Variants in IPO9 observed in about 807,000 individuals in gnomAD.
IPO9 encodes importin 9, also known as importin-9.
Under a neutral mutation model 128.6 loss-of-function variants are expected in IPO9, and 28 were observed. The ratio of observed to expected loss-of-function variants is 0.22; its 90% CI spans 0.16 to 0.30. The LOEUF is 0.30. IPO9 is among the 10% of genes least tolerant of loss of function. The pLI, the probability that IPO9 is intolerant of heterozygous loss-of-function variation, is 1.00. For missense variants in IPO9, 935 were observed against 1,293.9 expected, an observed-to-expected ratio of 0.72 and a Z score of 4.26; for synonymous variants, 455 against 475.8, an observed-to-expected ratio of 0.96 and a Z score of 0.57.
rs1373841229 is a variant in IPO9, at chr1:201,880,954, G to A, written c.*4900G>A. On this transcript the variant is annotated 3_prime_UTR_variant, in exon 24 of 24. Transcript: ENST00000361565. ...TGTAAGTGATCTGAGTAGGTTTAAG[G>A]TAGCCTAGGTGTATTAAATGCATTT... 1.3e-5 allele frequency: 2 copies of A among 152,210 alleles called. No individual in the cohort carries two copies. Among genetic ancestry groups the A allele is most frequent in the Non-Finnish European group, 1.5e-5 (1 of 68,038 alleles). 9.4% of individuals were successfully genotyped at this position (152,210 alleles called of 1,614,324 possible).
intron 16 of IPO9, among the ~76,000 whole-genome samples, 189 bp downstream of exon 16, chr1:201,868,985 G>A (rs1680603662): frequency 6.6e-6 from 1 of 152,184 alleles, no homozygotes; most frequent in African/African-American, 2.4e-5. Flanking sequence ...TGGCGCGGTG[G>A]CTCATGCCTA....
chr1:201,829,470 G>A (rs1435916657), intron 1 of IPO9, 98 bp downstream of exon 1: 2 of 1,257,024 alleles, frequency 1.6e-6, no homozygotes, highest in African/African-American at 1.6e-5. Flanking sequence ...GAGCCAGTTG[G>A]AGATGTGGGC....
At chr1:201,848,167 A>T (rs940081091) in intron 3 of IPO9, among the ~76,000 whole-genome samples, 1 of 152,210 alleles carries the variant, frequency 6.6e-6, no homozygotes, top group Non-Finnish European at 1.5e-5. Flanking sequence ...AAATTTTTTA[A>T]AATGTTAATA....
chr1:201,868,640 C>T lies in IPO9; in HGVS notation c.1856-8C>T. 6.2e-7 allele frequency: 1 copy of T among 1,611,452 alleles called. No homozygotes were observed. Among genetic ancestry groups the T allele is most frequent in the Non-Finnish European group, 8.5e-7 (1 of 1,178,556 alleles). On this transcript the variant is annotated splice_region_variant and splice_polypyrimidine_tract_variant and intron_variant, in intron 15 of 23. Coordinates refer to ENST00000361565, the MANE Select transcript of IPO9 (RefSeq NM_018085.5). ...CAGGGGGATTCCGTGTTGCCTTATC[C>T]ACTTCAGATCCCGTCGTCGCCTCAC...
intron 10 of IPO9, among the ~76,000 whole-genome samples, chr1:201,856,182 AG>A (rs1176234334): frequency 7.4e-6 from 1 of 134,700 alleles, no homozygotes; most frequent in Non-Finnish European, 1.5e-5. Context: ...TGCCCAGGCT[AG>A]TAGTCTCTAA....
chr1:201,864,588 G>A (rs1680515401), intron 14 of IPO9, among the ~76,000 whole-genome samples: 1 of 152,206 alleles, frequency 6.6e-6, no homozygotes, highest in South Asian at 2.1e-4. Context: ...TATCCACTTT[G>A]TGTTGTGATT....
At chr1:201,853,771 G>C (rs571677376) in intron 6 of IPO9, among the ~76,000 whole-genome samples, 1 of 152,022 alleles carries the variant, frequency 6.6e-6, no homozygotes, top group Non-Finnish European at 1.5e-5. Context: ...ATGGAGTCTC[G>C]CTCTGTCACC....
At chr1:201,865,802 T>C (rs1680543952) in intron 14 of IPO9, among the ~76,000 whole-genome samples, 1 of 152,164 alleles carries the variant, frequency 6.6e-6, no homozygotes, top group Admixed American at 6.5e-5. Context: ...TAAAAATACA[T>C]TGTCTAGGAC....
intron 1 of IPO9, among the ~76,000 whole-genome samples, chr1:201,835,278 T>G (rs1050319080): frequency 6.6e-6 from 1 of 152,352 alleles, no homozygotes; most frequent in East Asian, 1.9e-4. Flanking sequence ...ATTTCTTAAG[T>G]GATCCTTTAT....
chr1:201,866,578 T>G (rs1000579726), intron 14 of IPO9, among the ~76,000 whole-genome samples, 155 bp from the exon 15 acceptor site: 1 of 152,194 alleles, frequency 6.6e-6, no homozygotes, highest in Admixed American at 6.5e-5. Flanking sequence ...TGTTGATGTT[T>G]ATATAATACA....
At chr1:201,835,383 G>A (rs1466522781) in intron 1 of IPO9, among the ~76,000 whole-genome samples, 1 of 152,174 alleles carries the variant, frequency 6.6e-6, no homozygotes, top group Non-Finnish European at 1.5e-5. Context: ...AGGGGAGCAA[G>A]GATAACGAGA....
Position 201,871,197 on chromosome 1 carries a change from C to A in IPO9, c.2446C>A (p.Gln816Lys). Residue 816 changes from glutamine (Q) to lysine (K), a missense_variant, in exon 19 of 24, where the codon CAG becomes AAG. This residue lies in a region of IPO9 where 741 missense variants were observed against 1,019.1 expected (regional missense o/e 0.73). Transcript: ENST00000361565. The stretch of plus-strand genomic sequence containing the variant: ...GGTGTTCGCTCATCTGGTGCACACT[C>A]AGCTAGAACCTCTCTTGGAGTTCCT... ...IMVFAHLVHTQLEPLLEFLCS... is the reference protein window; with the variant it reads ...IMVFAHLVHTKLEPLLEFLCS... 5 of 1,613,998 alleles carry A rather than the reference C, an allele frequency of 3.1e-6. No individual in the cohort carries two copies. Among genetic ancestry groups the A allele is most frequent in the Non-Finnish European group, 4.2e-6 (5 of 1,179,980 alleles).
At chr1:201,868,015 A>G (rs778785651) in intron 15 of IPO9, among the ~76,000 whole-genome samples, 2 of 152,162 alleles carry the variant, frequency 1.3e-5, no homozygotes, top group Non-Finnish European at 2.9e-5. Context: ...TATTACAAAC[A>G]ATGCTGCAGT....
At chr1:201,842,920 C>T (rs1401311086) in intron 1 of IPO9, among the ~76,000 whole-genome samples, 2 of 152,204 alleles carry the variant, frequency 1.3e-5, no homozygotes, top group Non-Finnish European at 2.9e-5. Flanking sequence ...TCATCTCTTG[C>T]TCTGAGCCTC....
chr1:201,854,620 C>A lies in IPO9; in HGVS notation c.716C>A (p.Pro239His). Residue 239 changes from proline to histidine, a missense_variant, in exon 7 of 24, where the codon CCC becomes CAC. Around this residue, in one of 3 missense-constraint regions of IPO9, gnomAD observed 741 missense variants for 1,019.1 expected, o/e 0.73. Coordinates refer to ENST00000361565, the MANE Select transcript of IPO9 (RefSeq NM_018085.5). ...EKGAAKVLIFPVVQQFTEAFV... is the reference protein window; with the variant it reads ...EKGAAKVLIFHVVQQFTEAFV... ...GGTGCAGCCAAAGTCCTGATCTTTCCCGTGGTACAGCAGTTCACAGAGGCC... is the reference window on the plus strand; with the variant it reads ...GGTGCAGCCAAAGTCCTGATCTTTCACGTGGTACAGCAGTTCACAGAGGCC... The A allele has an allele frequency of 6.2e-7, 1 of 1,614,032 alleles. No homozygotes were observed. The highest frequency in any genetic ancestry group is 8.5e-7 in the Non-Finnish European group (1 of 1,180,030).
At chr1:201,835,848 A>G (rs775482767) in intron 1 of IPO9, among the ~76,000 whole-genome samples, 51 of 152,254 alleles carry the variant, frequency 3.3e-4, no homozygotes, top group Non-Finnish European at 4.0e-4. Context: ...AGTGTGGCTC[A>G]CTCCTGTAAT....
Position 201,881,836 on chromosome 1 carries a change from C to G in IPO9, c.*5782C>G, listed in dbSNP as rs1225695597. ...CAGGTGGGAAAACCCAGAGCCTGAA[C>G]TAAGGTTGTAACTAGAGGGGATAGG... is the stretch of plus-strand genomic sequence containing the variant. On this transcript the variant is annotated 3_prime_UTR_variant, in exon 24 of 24. Coordinates refer to ENST00000361565, the MANE Select transcript of IPO9 (RefSeq NM_018085.5). 2 of 152,246 alleles carry G rather than the reference C, an allele frequency of 1.3e-5. No individual in the cohort carries two copies. Among genetic ancestry groups the G allele is most frequent in the African/African-American group, 4.8e-5 (2 of 41,448 alleles). The allele number at this position is 152,246 out of a possible 1,614,324, so 9.4% of individuals were successfully genotyped here.
At chr1:201,837,325 C>G (rs1679958634) in intron 1 of IPO9, among the ~76,000 whole-genome samples, 1 of 152,168 alleles carries the variant, frequency 6.6e-6, no homozygotes, top group Non-Finnish European at 1.5e-5. Flanking sequence ...TCATGCTAAG[C>G]TTTTCTCTGA....
rs145268819 is a variant in IPO9, at chr1:201,868,718, A to C, written c.1926A>C (p.Pro642=). 3 of 1,613,932 alleles carry C rather than the reference A, an allele frequency of 1.9e-6. No individual in the cohort carries two copies. In the African/African-American group the frequency reaches 4.0e-5, roughly 22 times the overall value. The change falls in exon 16 of 24, where the codon CCA becomes CCC. Residue 642 remains proline, a synonymous_variant. Transcript: ENST00000361565. ...ELSQIEACQG[P]MQMRLIPTLV... is the part of the protein sequence containing the mutation. ...CCCAGATTGAAGCCTGTCAGGGCCC[A>C]ATGCAAATGAGGCTGATTCCCACTC...
Sources: gnomAD v4.1 joint callset for allele counts (sites outside exome capture counted in the v4.1 genomes callset) on GRCh38, gnomAD v4.1.1 for gene constraint, gnomAD v4.1.1 regional missense constraint, MANE v1.5 for transcripts, NCBI Gene and HGNC (gene_info 2026-07-23, HGNC 2026-07-21) for gene names.